DSCAM: variants seen among roughly 807,000 people sequenced by gnomAD.
DSCAM encodes DS cell adhesion molecule, also known as cell adhesion molecule DSCAM.
DSCAM carries 47 observed loss-of-function variants against 217.7 expected under a neutral mutation model. That is an observed-to-expected ratio of 0.22 (90% CI 0.17 to 0.28). The LOEUF is 0.28. Ranked by LOEUF, DSCAM falls within the 10% of genes least tolerant of loss-of-function variation. DSCAM has a pLI of 1.00. For missense variants in DSCAM, 2,080 were observed against 2,618.3 expected (o/e 0.79, Z 4.49); for synonymous variants, 1,056 against 1,015.3 (o/e 1.04, Z -0.76).
chr21:40,614,153 C>G (rs927593246), intron 3 of DSCAM, among the ~76,000 whole-genome samples: 1 of 152,174 alleles, frequency 6.6e-6, no homozygotes, highest in African/African-American at 2.4e-5. Flanking sequence ...GAGTGCAGCC[C>G]CAGGCCTCAG....
intron 3 of DSCAM, among the ~76,000 whole-genome samples, chr21:40,560,839 G>A (rs562239947): frequency 1.4e-4 from 21 of 152,266 alleles, no homozygotes; most frequent in Non-Finnish European, 2.1e-4. Context: ...TTGCTAGCCC[G>A]GGTAAAGATC....
Position 40,551,480 on chromosome 21 carries a change from T to C in DSCAM, c.508+141330A>G, listed in dbSNP as rs116975701. Among the ~76,000 whole-genome samples the C allele has an allele frequency of 3.5e-3, 537 of 152,196 alleles. 11 individuals carry two copies. The East Asian group carries it at 0.068, about 19-fold the overall frequency. The stretch of plus-strand genomic sequence containing the variant: ...CATAGGTGGCTGCCCTTAGAGACAA[T>C]AGATAGCAAATGTTTCCCATTCAGA... On this transcript the variant is annotated intron_variant, in intron 3 of 32. Coordinates refer to ENST00000400454, the MANE Select transcript of DSCAM (RefSeq NM_001389.5).
chr21:40,796,617 T>C (rs146629911), intron 1 of DSCAM, among the ~76,000 whole-genome samples: 1 of 152,178 alleles, frequency 6.6e-6, no homozygotes, highest in African/African-American at 2.4e-5. Flanking sequence ...GTCTTGCAAG[T>C]TGGAATCAGT....
At chr21:40,478,718 C>T (rs2075957952) in intron 3 of DSCAM, among the ~76,000 whole-genome samples, 1 of 152,170 alleles carries the variant, frequency 6.6e-6, no homozygotes, top group African/African-American at 2.4e-5. Context: ...ATGACTGCAA[C>T]AAAATAACAA....
intron 3 of DSCAM, among the ~76,000 whole-genome samples, chr21:40,544,792 A>G (rs543419868): frequency 1.6e-4 from 24 of 152,278 alleles, no homozygotes; most frequent in Non-Finnish European, 2.2e-4. Flanking sequence ...ATATTTATCA[A>G]TTGAACCTTT....
chr21:40,352,398 T>C (rs1458241539), intron 5 of DSCAM, among the ~76,000 whole-genome samples: 2 of 152,190 alleles, frequency 1.3e-5, no homozygotes, highest in Non-Finnish European at 2.9e-5. Flanking sequence ...TCCATTTCTT[T>C]CTAATCCCAG....
In DSCAM at chr21:40,179,184, C is replaced by CAAAAAAAAAAAAAAA. The variant is rs11286508; in HGVS notation, c.2780-105_2780-91dup. The CAAAAAAAAAAAAAAA allele has an allele frequency of 4.9e-5, 5 of 102,624 alleles. 2 individuals carry two copies. Among genetic ancestry groups the CAAAAAAAAAAAAAAA allele is most frequent in the Non-Finnish European group, 8.6e-5 (5 of 57,918 alleles). The allele number at this position is 102,624 out of a possible 1,614,324, so 6.4% of individuals were successfully genotyped here. A position where few individuals can be genotyped will look rare whatever the true frequency, so the allele number is the denominator to read the frequency against. On this transcript the variant is annotated intron_variant, in intron 14 of 32. Transcript: ENST00000400454. The stretch of plus-strand genomic sequence containing the variant: ...AAGTTCACAAGTAGGAATTAAAAAC[C>CAAAAAAAAAAAAAAA]AAAAAAAAAAAAAAAAAAAAAAAAA...
Position 40,339,122 on chromosome 21 carries a change from T to C in DSCAM, c.1504A>G (p.Arg502Gly). The C allele has an allele frequency of 6.2e-7, 1 of 1,614,090 alleles. No individual in the cohort carries two copies. The highest frequency in any genetic ancestry group is 1.7e-5 in the Admixed American group (1 of 60,030). The change falls in exon 7 of 33, where the codon AGA becomes GGA. Residue 502 changes from arginine (R) to glycine (G), a missense_variant. Around this residue, in one of 5 missense-constraint regions of DSCAM, gnomAD observed 568 missense variants for 678.1 expected, o/e 0.84. Transcript: ENST00000400454. ...GAGGAGCTGATTTGACAAGCACCTCTTACGTTTATTCGAGCCTGGTACAGG... is the reference window on the plus strand; with the variant it reads ...GAGGAGCTGATTTGACAAGCACCTCCTACGTTTATTCGAGCCTGGTACAGG... Reference protein sequence around the residue: ...VVLYQARINVRGPASIRPMKN... With the variant: ...VVLYQARINVGGPASIRPMKN...
At chr21:40,228,867 C>T (rs545167209) in intron 11 of DSCAM, among the ~76,000 whole-genome samples, 49 of 151,866 alleles carry the variant, frequency 3.2e-4, no homozygotes, top group African/African-American at 1.2e-3. Context: ...GTTCTCTTAG[C>T]TGACAGAAAA....
chr21:40,536,703 G>A (rs751162509), intron 3 of DSCAM, among the ~76,000 whole-genome samples: 2 of 152,194 alleles, frequency 1.3e-5, no homozygotes, highest in East Asian at 3.9e-4. Flanking sequence ...ACTGCACCCG[G>A]TCCCGGTAGA....
At chr21:40,225,983 T>G (rs960258659) in intron 11 of DSCAM, among the ~76,000 whole-genome samples, 8 of 152,164 alleles carry the variant, frequency 5.3e-5, no homozygotes, top group African/African-American at 1.9e-4. Flanking sequence ...CCCTTATGGG[T>G]TTGATAAAGA....
At chr21:40,809,888 G>A (rs111672248) in intron 1 of DSCAM, among the ~76,000 whole-genome samples, 128 of 152,324 alleles carry the variant, frequency 8.4e-4, no homozygotes, top group African/African-American at 3.0e-3. Context: ...TGACGTGGCT[G>A]TGAAAATGAG....
At chr21:40,627,668 C>A (rs749610401) in intron 3 of DSCAM, among the ~76,000 whole-genome samples, 1 of 152,124 alleles carries the variant, frequency 6.6e-6, no homozygotes, top group African/African-American at 2.4e-5. Flanking sequence ...GTAATTTAGC[C>A]AACACTTGCA....
At chr21:40,121,781 C>A (rs1053015932) in intron 20 of DSCAM, among the ~76,000 whole-genome samples, 1 of 149,546 alleles carries the variant, frequency 6.7e-6, no homozygotes, top group Non-Finnish European at 1.5e-5. Flanking sequence ...CCTCCACCTC[C>A]CAGGTTCAAG....
chr21:40,757,856 G>A (rs1056634653), intron 1 of DSCAM, among the ~76,000 whole-genome samples: 36 of 152,120 alleles, frequency 2.4e-4, no homozygotes, highest in Admixed American at 1.8e-3. Context: ...GGGAATACAC[G>A]TATATCCATC....
intron 3 of DSCAM, among the ~76,000 whole-genome samples, chr21:40,577,657 A>G (rs1196132678): frequency 6.6e-6 from 1 of 152,204 alleles, no homozygotes; most frequent in Non-Finnish European, 1.5e-5. Flanking sequence ...TCGGCCCTGA[A>G]GAAGGGGGTA....
intron 1 of DSCAM, among the ~76,000 whole-genome samples, chr21:40,716,559 A>G (rs2090844723): frequency 6.6e-6 from 1 of 152,250 alleles, no homozygotes. Flanking sequence ...CAGACTTCTC[A>G]ATATTTTACA....
chr21:40,558,289 T>G (rs1048962528), intron 3 of DSCAM, among the ~76,000 whole-genome samples: 60 of 150,410 alleles, frequency 4.0e-4, no homozygotes, highest in South Asian at 1.3e-3. Flanking sequence ...TACTAAAAAA[T>G]ACAAAAAAAT....
At chr21:40,740,442 T>C (rs77707864) in intron 1 of DSCAM, among the ~76,000 whole-genome samples, 6,535 of 152,278 alleles carry the variant, frequency 0.043, 200 homozygotes, top group Non-Finnish European at 0.059. Context: ...TCCCCCAATA[T>C]GTTTCCCACA....
Sources: gnomAD v4.1 joint callset for allele counts (sites outside exome capture counted in the v4.1 genomes callset) on GRCh38, gnomAD v4.1.1 for gene constraint, gnomAD v4.1.1 regional missense constraint, MANE v1.5 for transcripts, NCBI Gene and HGNC (gene_info 2026-07-23, HGNC 2026-07-21) for gene names.